Variants in UBQLN1 observed in about 807,000 individuals in gnomAD.
UBQLN1 encodes ubiquilin-1.
UBQLN1 carries 13 observed loss-of-function variants against 65.4 expected under a neutral mutation model. The ratio of observed to expected loss-of-function variants is 0.20; its 90% CI spans 0.13 to 0.32. The LOEUF is 0.32. Among genes scored for constraint, UBQLN1 ranks in the 10% least tolerant of loss-of-function variants. The pLI is 1.00. For synonymous variants in UBQLN1, 267 were observed against 247.8 expected (o/e 1.08, Z -0.73); for missense variants, 561 against 724.0 (o/e 0.77, Z 2.58).
chr9:83,700,977 G>A (rs1385478956), intron 1 of UBQLN1, among the ~76,000 whole-genome samples: 1 of 152,148 alleles, frequency 6.6e-6, no homozygotes, highest in Non-Finnish European at 1.5e-5. Flanking sequence ...TCAGGCAACT[G>A]ACCAGTAGGC....
intron 6 of UBQLN1, among the ~76,000 whole-genome samples, chr9:83,676,192 A>G (rs975261212): frequency 1.3e-5 from 2 of 152,246 alleles, no homozygotes; most frequent in African/African-American, 2.4e-5. Context: ...AGTAAGAATC[A>G]TAATACTGTA....
At chr9:83,674,393 C>A (rs1306278326) in intron 6 of UBQLN1, among the ~76,000 whole-genome samples, 1 of 152,148 alleles carries the variant, frequency 6.6e-6, no homozygotes, top group South Asian at 2.1e-4. Context: ...ATACTCCCCA[C>A]TCACAGAAAA....
chr9:83,671,473 CTGTGT>C (rs1478235752), intron 6 of UBQLN1, among the ~76,000 whole-genome samples: 1 of 152,184 alleles, frequency 6.6e-6, no homozygotes, highest in Non-Finnish European at 1.5e-5. Flanking sequence ...AGAATGAATG[CTGTGT>C]TAGTTAACAG....
At chr9:83,671,504 T>G (rs1380176385) in intron 6 of UBQLN1, among the ~76,000 whole-genome samples, 3 of 152,106 alleles carry the variant, frequency 2.0e-5, no homozygotes, top group South Asian at 2.1e-4. Context: ...AAAACAACAT[T>G]AATCTCCTTG....
At chr9:83,678,868 C>T (rs955757798) in intron 4 of UBQLN1, among the ~76,000 whole-genome samples, 1 of 152,190 alleles carries the variant, frequency 6.6e-6, no homozygotes, top group Non-Finnish European at 1.5e-5. Context: ...CAGGCGCCCG[C>T]CACCACGCCC....
intron 9 of UBQLN1, 136 bp downstream of exon 9, chr9:83,664,894 T>C (rs1045437923): frequency 4.9e-6 from 3 of 615,342 alleles, no homozygotes; most frequent in Admixed American, 4.4e-5. Context: ...ACTCATAGCC[T>C]AGGCGAAGGG....
At chr9:83,695,077 T>C (rs867277717) in intron 1 of UBQLN1, among the ~76,000 whole-genome samples, 1 of 152,102 alleles carries the variant, frequency 6.6e-6, no homozygotes. Flanking sequence ...TTGTGGGTGG[T>C]TGACCCCATT....
intron 1 of UBQLN1, among the ~76,000 whole-genome samples, chr9:83,705,304 A>C (rs1832382580): frequency 7.1e-6 from 1 of 141,550 alleles, no homozygotes; most frequent in African/African-American, 2.8e-5. Flanking sequence ...GCAATGTCGC[A>C]ATCTCGGCTC....
chr9:83,663,083 G>A (rs1587634966), intron 10 of UBQLN1, among the ~76,000 whole-genome samples: 1 of 135,092 alleles, frequency 7.4e-6, no homozygotes, highest in Admixed American at 7.8e-5. Flanking sequence ...AAAAAAAAAA[G>A]GGAAAGGCAA....
Position 83,680,138 on chromosome 9 carries a change from T to G in UBQLN1, c.449-101A>C. On this transcript the variant is annotated intron_variant, in intron 3 of 10. Transcript: ENST00000376395. ...TGCAAAAAAGTATTAGCTGACCCAATAGTCTATTACAAGAAATCATTTAAA... is the reference window on the plus strand; with the variant it reads ...TGCAAAAAAGTATTAGCTGACCCAAGAGTCTATTACAAGAAATCATTTAAA... 17 of 1,217,592 alleles carry G rather than the reference T, an allele frequency of 1.4e-5. No homozygotes were observed. In the South Asian group the frequency reaches 2.8e-4, roughly 20 times the overall value. The allele number at this position is 1,217,592 out of a possible 1,614,324, so 75.4% of individuals were successfully genotyped here. A position where few individuals can be genotyped will look rare whatever the true frequency, so the allele number is the denominator to read the frequency against.
intron 1 of UBQLN1, 67 bp from the exon 2 acceptor site, chr9:83,686,222 A>C: frequency 1.8e-6 from 2 of 1,114,114 alleles, no homozygotes; most frequent in Non-Finnish European, 2.5e-6. Context: ...TAGTTTCTAC[A>C]GGTACCTCAT....
chr9:83,686,238 C>A, intron 1 of UBQLN1, 83 bp from the exon 2 acceptor site: 1 of 889,872 alleles, frequency 1.1e-6, no homozygotes, highest in Non-Finnish European at 1.6e-6. Flanking sequence ...CTCATAGAGG[C>A]CCCTACTACA....
intron 2 of UBQLN1, among the ~76,000 whole-genome samples, chr9:83,683,572 CAAAATAT>C (rs908285749): frequency 6.6e-6 from 1 of 152,000 alleles, no homozygotes; most frequent in African/African-American, 2.4e-5. Context: ...CTACAAAATA[CAAAATAT>C]GCTGCAATTG....
At chr9:83,701,954 G>A (rs577597008) in intron 1 of UBQLN1, among the ~76,000 whole-genome samples, 2 of 152,298 alleles carry the variant, frequency 1.3e-5, no homozygotes, top group South Asian at 4.1e-4. Flanking sequence ...GAATGCTGTT[G>A]GCAACACAAT....
At chr9:83,680,204 T>C (rs1055185002) in intron 3 of UBQLN1, among the ~76,000 whole-genome samples, 167 bp from the exon 4 acceptor site, 10 of 152,180 alleles carry the variant, frequency 6.6e-5, no homozygotes, top group African/African-American at 9.7e-5. Flanking sequence ...ATTCCTATCA[T>C]TGAAATTAGC....
chr9:83,697,714 C>T (rs1000388871), intron 1 of UBQLN1, among the ~76,000 whole-genome samples: 6 of 149,840 alleles, frequency 4.0e-5, no homozygotes, highest in East Asian at 2.0e-4. Flanking sequence ...CACCACCACA[C>T]GCGGCTATTT....
chr9:83,700,031 C>T (rs999453426), intron 1 of UBQLN1, among the ~76,000 whole-genome samples: 1 of 152,164 alleles, frequency 6.6e-6, no homozygotes, highest in Non-Finnish European at 1.5e-5. Flanking sequence ...TCCTGAAGAA[C>T]GGGTTGATAA....
intron 1 of UBQLN1, among the ~76,000 whole-genome samples, chr9:83,687,598 CAG>C (rs1320581160): frequency 6.6e-6 from 1 of 152,094 alleles, no homozygotes; most frequent in African/African-American, 2.4e-5. Context: ...CATTAAATGA[CAG>C]AATGTCTGAG....
chr9:83,672,613 C>G (rs1831752362), intron 6 of UBQLN1, among the ~76,000 whole-genome samples: 1 of 152,124 alleles, frequency 6.6e-6, no homozygotes, highest in East Asian at 1.9e-4. Flanking sequence ...GTTCCTGGTA[C>G]CCCAAAACAA....
Sources: gnomAD v4.1 joint callset for allele counts (sites outside exome capture counted in the v4.1 genomes callset) on GRCh38, gnomAD v4.1.1 for gene constraint, MANE v1.5 for transcripts, NCBI Gene and HGNC (gene_info 2026-07-23, HGNC 2026-07-21) for gene names.